DCC: variants seen among roughly 807,000 people sequenced by gnomAD.
DCC encodes the protein netrin receptor DCC.
In DCC, 58 loss-of-function variants were observed where a neutral mutation model predicts 172.5. The ratio of observed to expected loss-of-function variants is 0.34; its 90% CI spans 0.27 to 0.42. The LOEUF (loss-of-function observed/expected upper bound fraction) is 0.42, where lower values mean the gene tolerates loss of function less well. Ranked by LOEUF, DCC falls within the 10% of genes least tolerant of loss-of-function variation. The pLI is 1.00. For synonymous variants in DCC, 709 were observed against 644.5 expected, an observed-to-expected ratio of 1.10 and a Z score of -1.52; for missense variants, 1,740 against 1,791.0, an observed-to-expected ratio of 0.97 and a Z score of 0.51.
At chr18:53,384,462 C>T (rs766200618) in intron 15 of DCC, among the ~76,000 whole-genome samples, 13 of 151,914 alleles carry the variant, frequency 8.6e-5, no homozygotes, top group East Asian at 3.9e-4. Flanking sequence ...ATTATCTGTA[C>T]GTTAGATCTT....
chr18:53,168,532 AG>A (rs564037519), intron 8 of DCC, among the ~76,000 whole-genome samples: 1 of 119,774 alleles, frequency 8.3e-6, no homozygotes, highest in African/African-American at 3.2e-5. Context: ...ACATGGACAC[AG>A]GGAGGGGAAC....
intron 12 of DCC, among the ~76,000 whole-genome samples, chr18:53,250,188 A>C (rs911285773): frequency 3.3e-5 from 5 of 151,958 alleles, no homozygotes. Flanking sequence ...ACTGATGATC[A>C]GGTTAAGTGG....
chr18:52,728,757 C>A (rs1428919171), intron 1 of DCC, among the ~76,000 whole-genome samples: 1 of 152,154 alleles, frequency 6.6e-6, no homozygotes, highest in African/African-American at 2.4e-5. Context: ...CAAATGAGGG[C>A]CTACGGATGA....
rs144874430 is a variant in DCC, at chr18:53,397,376, G to A, written c.2757G>A (p.Ser919=). The A allele has an allele frequency of 6.7e-5, 108 of 1,613,640 alleles. 1 individual carries two copies. Among genetic ancestry groups the A allele is most frequent in the Middle Eastern group, 4.9e-4 (3 of 6,062 alleles). The change falls in exon 18 of 29, where the codon TCG becomes TCA. Residue 919 remains serine (S), a synonymous_variant. Coordinates refer to ENST00000442544, the MANE Select transcript of DCC (RefSeq NM_005215.4). ...AACCAAACACAATGTATGAATTCTC[G>A]GTCATGGTAACAAAAAACAGAAGGT... is the stretch of plus-strand genomic sequence containing the variant. ...GLKPNTMYEF[S]VMVTKNRRSS... is the part of the protein sequence containing the mutation.
chr18:52,957,586 C>CACAAATATTGTAAATGTG (rs2040766527), intron 5 of DCC, among the ~76,000 whole-genome samples: 1 of 152,072 alleles, frequency 6.6e-6, no homozygotes, highest in South Asian at 2.1e-4. Context: ...TCACATATCT[C>CACAAATATTGTAAATGTG]ACAAATATTG....
chr18:53,276,949 G>A lies in DCC; in HGVS notation c.1912-28629G>A, dbSNP rs547512101. Among the ~76,000 whole-genome samples, 4 of 152,148 alleles carry A rather than the reference G, an allele frequency of 2.6e-5. No homozygotes were observed. In the East Asian group the frequency reaches 7.7e-4, roughly 29 times the overall value. ...AGCCATGGGAAATAATTTAAAAATA[G>A]TCACCAAGAGAGGGCATCCTAAAAC... On this transcript the variant is annotated intron_variant, in intron 12 of 28. Coordinates refer to ENST00000442544, the MANE Select transcript of DCC (RefSeq NM_005215.4).
At chr18:52,431,978 A>G (rs1469933836) in intron 1 of DCC, among the ~76,000 whole-genome samples, 3 of 152,180 alleles carry the variant, frequency 2.0e-5, no homozygotes, top group African/African-American at 7.2e-5. Flanking sequence ...TCAGTAAAGC[A>G]TCGGAAATGT....
chr18:53,213,295 T>C (rs1024256190), intron 11 of DCC, among the ~76,000 whole-genome samples: 1 of 152,094 alleles, frequency 6.6e-6, no homozygotes, highest in African/African-American at 2.4e-5. Flanking sequence ...ATTAGAAACA[T>C]ATAGCATGAC....
At chr18:52,410,559 T>C (rs1431197959) in intron 1 of DCC, among the ~76,000 whole-genome samples, 4 of 152,136 alleles carry the variant, frequency 2.6e-5, no homozygotes, top group African/African-American at 9.7e-5. Context: ...GTCATTCCTA[T>C]TATATGACTG....
intron 2 of DCC, among the ~76,000 whole-genome samples, chr18:52,798,831 C>T (rs1182143696): frequency 6.6e-6 from 1 of 151,914 alleles, no homozygotes; most frequent in Non-Finnish European, 1.5e-5. Flanking sequence ...TGTCTCCCTG[C>T]AACCTCCCCC....
intron 2 of DCC, among the ~76,000 whole-genome samples, chr18:52,813,092 T>G (rs1286038198): frequency 6.6e-6 from 1 of 152,226 alleles, no homozygotes; most frequent in Non-Finnish European, 1.5e-5. Flanking sequence ...AATAAAATGA[T>G]GTGAACTTTC....
chr18:53,403,236 A>G (rs533170182), intron 19 of DCC, among the ~76,000 whole-genome samples: 2 of 152,300 alleles, frequency 1.3e-5, no homozygotes, highest in East Asian at 1.9e-4. Context: ...ATAAATGTCT[A>G]TAAAGAAGCT....
Position 52,867,413 on chromosome 18 carries a change from T to A in DCC, c.413-38631T>A, listed in dbSNP as rs578025736. On this transcript the variant is annotated intron_variant, in intron 2 of 28. Coordinates refer to ENST00000442544, the MANE Select transcript of DCC (RefSeq NM_005215.4). ...CCTCATAAAATGAGTTAGGGAAGAT[T>A]CCCTCTTTTTCAATTGTTTGGAATA... 1.3e-4 allele frequency among the ~76,000 whole-genome samples: 20 copies of A among 152,298 alleles called. No homozygotes were observed. The South Asian group carries it at 3.3e-3, about 25-fold the overall frequency.
intron 1 of DCC, among the ~76,000 whole-genome samples, chr18:52,548,785 T>C (rs1013911010): frequency 6.6e-6 from 1 of 152,110 alleles, no homozygotes; most frequent in Non-Finnish European, 1.5e-5. Context: ...CTGGAGAAAT[T>C]TCCCATTTGT....
chr18:53,522,405 T>G (rs2046408689), intron 27 of DCC, among the ~76,000 whole-genome samples: 1 of 152,024 alleles, frequency 6.6e-6, no homozygotes. Context: ...CTTCACAGAA[T>G]TAGAAAAAAC....
intron 1 of DCC, among the ~76,000 whole-genome samples, chr18:52,518,076 A>G (rs1387046537): frequency 6.6e-6 from 1 of 152,146 alleles, no homozygotes; most frequent in Non-Finnish European, 1.5e-5. Flanking sequence ...AAACTGTGGT[A>G]CTAATTTCCC....
At chr18:52,633,754 T>C (rs1318377118) in intron 1 of DCC, among the ~76,000 whole-genome samples, 1 of 152,168 alleles carries the variant, frequency 6.6e-6, no homozygotes, top group Non-Finnish European at 1.5e-5. Context: ...CTGACTCTCC[T>C]CCAAACACTG....
At chr18:53,187,118 C>T (rs757679881) in intron 9 of DCC, among the ~76,000 whole-genome samples, 3 of 129,382 alleles carry the variant, frequency 2.3e-5, no homozygotes, top group Non-Finnish European at 3.4e-5. Context: ...TACTTTCTCT[C>T]TTTTTTTTTT....
chr18:52,781,710 G>T (rs990309808), intron 2 of DCC, among the ~76,000 whole-genome samples: 2 of 152,108 alleles, frequency 1.3e-5, no homozygotes, highest in African/African-American at 2.4e-5. Flanking sequence ...TTAATAAACA[G>T]CTATAGAGAT....
Sources: gnomAD v4.1 joint callset for allele counts (sites outside exome capture counted in the v4.1 genomes callset) on GRCh38, gnomAD v4.1.1 for gene constraint, MANE v1.5 for transcripts, NCBI Gene and HGNC (gene_info 2026-07-23, HGNC 2026-07-21) for gene names.